The following ZNF366 variants were observed in gnomAD, a reference collection of about 807,000 sequenced individuals.
ZNF366 encodes the protein zinc finger protein 366.
ZNF366 carries 20 observed loss-of-function variants against 47.2 expected under a neutral mutation model. The observed-to-expected ratio is 0.42, with a 90% confidence interval of 0.30 to 0.62. The LOEUF is 0.62. Ranked by LOEUF, ZNF366 falls within the 20% of genes least tolerant of loss-of-function variation. The probability of loss-of-function intolerance (pLI) is 0.16; values close to 1 mark genes in which losing one functional copy is unlikely to be tolerated. For synonymous variants in ZNF366, 421 were observed against 395.1 expected, an observed-to-expected ratio of 1.07 and a Z score of -0.78; for missense variants, 987 against 976.3, an observed-to-expected ratio of 1.01 and a Z score of -0.15.
intron 4 of ZNF366, among the ~76,000 whole-genome samples, chr5:72,446,964 A>G (rs895529963): frequency 6.6e-6 from 1 of 152,202 alleles, no homozygotes; most frequent in East Asian, 1.9e-4. Context: ...GTTGCCATGA[A>G]TATTAGCGAC....
intron 1 of ZNF366, chr5:72,472,527 CA>C: frequency 5.1e-6 from 5 of 985,232 alleles, no homozygotes; most frequent in Non-Finnish European, 6.0e-6. Flanking sequence ...TGGGGACTTG[CA>C]AAATTAGGCT....
intron 4 of ZNF366, among the ~76,000 whole-genome samples, chr5:72,446,852 ACT>A (rs1742971268): frequency 6.6e-6 from 1 of 152,152 alleles, no homozygotes; most frequent in Non-Finnish European, 1.5e-5. Context: ...TCAAATCTTG[ACT>A]CTGCCACTTT....
intron 1 of ZNF366, among the ~76,000 whole-genome samples, chr5:72,463,740 T>C (rs956618440): frequency 6.6e-6 from 1 of 151,924 alleles, no homozygotes; most frequent in Non-Finnish European, 1.5e-5. Context: ...GAAACAGAGG[T>C]TATTTGATGG....
At chr5:72,459,257 G>A in intron 2 of ZNF366, among the ~76,000 whole-genome samples, 1 of 152,182 alleles carries the variant, frequency 6.6e-6, no homozygotes, top group South Asian at 2.1e-4. Context: ...ATTAAAGAAT[G>A]CTTTAGAAAC....
At chr5:72,465,393 A>G (rs778328689) in intron 1 of ZNF366, among the ~76,000 whole-genome samples, 1 of 152,228 alleles carries the variant, frequency 6.6e-6, no homozygotes, top group Non-Finnish European at 1.5e-5. Context: ...AGGGAAAAGC[A>G]GGGGAAGGAT....
intron 2 of ZNF366, among the ~76,000 whole-genome samples, chr5:72,456,814 C>G (rs1002249881): frequency 1.3e-5 from 2 of 152,070 alleles, no homozygotes; most frequent in African/African-American, 2.4e-5. Flanking sequence ...CATAAACTAG[C>G]CAGACTATTA....
At chr5:72,461,605 T>C (rs1743315124) in intron 1 of ZNF366, 95 bp from the exon 2 acceptor site, 1 of 1,440,220 alleles carries the variant, frequency 6.9e-7, no homozygotes, top group Non-Finnish European at 9.3e-7. Flanking sequence ...TACTAATTTA[T>C]GAAGAGTAGT....
intron 1 of ZNF366, among the ~76,000 whole-genome samples, chr5:72,502,294 A>G (rs527972945): frequency 6.6e-6 from 1 of 152,356 alleles, no homozygotes; most frequent in East Asian, 1.9e-4. Flanking sequence ...TCTTTTATGT[A>G]AATACCATTG....
rs374146709 is a variant in ZNF366, at chr5:72,460,782, C to A, written c.715G>T (p.Asp239Tyr). 6.2e-7 allele frequency: 1 copy of A among 1,614,180 alleles called. No homozygotes were observed. Among genetic ancestry groups the A allele is most frequent in the Admixed American group, 1.7e-5 (1 of 60,026 alleles). Residue 239 changes from aspartate (D) to tyrosine (Y), a missense_variant, in exon 2 of 5, where the codon GAT becomes TAT. Around this residue, in one of 3 missense-constraint regions of ZNF366, gnomAD observed 591 missense variants for 560.9 expected, o/e 1.05. Coordinates refer to ENST00000318442, the MANE Select transcript of ZNF366 (RefSeq NM_152625.3). ...VERVDVNVQI[D>Y]DSYYVDVGGS... Reference sequence around the variant, plus strand: ...CCCACGTCCACGTAGTAGCTGTCATCGATCTGCACGTTCACGTCCACCCTC... The same window carrying A: ...CCCACGTCCACGTAGTAGCTGTCATAGATCTGCACGTTCACGTCCACCCTC...
In ZNF366 at chr5:72,442,995, G is replaced by T. The variant is rs1256586933; in HGVS notation, c.*761C>A. The T allele has an allele frequency of 6.6e-6, 1 of 152,300 alleles. No homozygotes were observed. Among genetic ancestry groups the T allele is most frequent in the Non-Finnish European group, 1.5e-5 (1 of 68,096 alleles). The allele number at this position is 152,300 out of a possible 1,614,324, so 9.4% of individuals were successfully genotyped here. ...GTCTTATGGGGCATGAGGCCTCAGA[G>T]CAAGACAGCAATGGTCTCCAGGAGG... On this transcript the variant is annotated 3_prime_UTR_variant, in exon 5 of 5. Coordinates refer to ENST00000318442, the MANE Select transcript of ZNF366 (RefSeq NM_152625.3).
At chr5:72,444,643 C>T (rs1262442608) in intron 4 of ZNF366, among the ~76,000 whole-genome samples, 1 of 151,668 alleles carries the variant, frequency 6.6e-6, no homozygotes, top group African/African-American at 2.4e-5. Flanking sequence ...AATGAAAAAA[C>T]TTTGTATTTA....
At chr5:72,447,731 C>T (rs1742988950) in intron 3 of ZNF366, among the ~76,000 whole-genome samples, 1 of 152,122 alleles carries the variant, frequency 6.6e-6, no homozygotes, top group African/African-American at 2.4e-5. Context: ...TACAAGTGTT[C>T]CTCCTTTAAT....
At chr5:72,505,813 G>C (rs1304261308) in intron 1 of ZNF366, among the ~76,000 whole-genome samples, 2 of 152,234 alleles carry the variant, frequency 1.3e-5, no homozygotes, top group Non-Finnish European at 2.9e-5. Context: ...AAATGGAGTA[G>C]TTAGGGGAGG....
intron 1 of ZNF366, among the ~76,000 whole-genome samples, chr5:72,488,766 T>C (rs1417009091): frequency 6.6e-6 from 1 of 152,168 alleles, no homozygotes; most frequent in Non-Finnish European, 1.5e-5. Context: ...TTGGGTACCA[T>C]GTATGGAACA....
chr5:72,447,901 T>C (rs1477888111), intron 3 of ZNF366, among the ~76,000 whole-genome samples: 1 of 152,184 alleles, frequency 6.6e-6, no homozygotes, highest in Non-Finnish European at 1.5e-5. Context: ...TCTGAGGACT[T>C]ACGTCACTTG....
rs1338193465 is a variant in ZNF366 at position 72,441,026 on chromosome 5, G to T, written c.*2730C>A. 1 of 152,128 alleles carries T rather than the reference G, an allele frequency of 6.6e-6. No individual in the cohort carries two copies. The highest frequency in any genetic ancestry group is 2.4e-5 in the African/African-American group (1 of 41,392). 9.4% of individuals were successfully genotyped at this position (152,128 alleles called of 1,614,324 possible). ...ACTTGAGCTGCTTGGAGTGAGGTGG[G>T]TGTGGGAGTTGAGAGCTTCTCCTCC... is the stretch of plus-strand genomic sequence containing the variant. On this transcript the variant is annotated 3_prime_UTR_variant, in exon 5 of 5. Coordinates refer to ENST00000318442, the MANE Select transcript of ZNF366 (RefSeq NM_152625.3).
At chr5:72,464,448 T>G (rs12054660) in intron 1 of ZNF366, among the ~76,000 whole-genome samples, 11,024 of 152,242 alleles carry the variant, frequency 0.072, 612 homozygotes, top group East Asian at 0.23. Flanking sequence ...CATTAGGAGT[T>G]GTAATATACT....
rs558584853 is a variant in ZNF366 at position 72,507,241 on chromosome 5, G to T, written c.-15+10C>A. On this transcript the variant is annotated intron_variant, in intron 1 of 4. Transcript: ENST00000318442. ...AAAAGGAAGCAGAAATGATTGCATG[G>T]GTAACTTACCAGCTCCTGAGGTCTG... 63 of 985,472 alleles carry T rather than the reference G, an allele frequency of 6.4e-5. No homozygotes were observed. The South Asian group carries it at 9.9e-4, about 15-fold the overall frequency. 61.0% of individuals were successfully genotyped at this position (985,472 alleles called of 1,614,324 possible).
At chr5:72,465,508 C>G (rs1413368124) in intron 1 of ZNF366, among the ~76,000 whole-genome samples, 1 of 152,168 alleles carries the variant, frequency 6.6e-6, no homozygotes, top group Non-Finnish European at 1.5e-5. Flanking sequence ...TGTGTACCAC[C>G]CACATGCTCC....
Sources: allele counts gnomAD v4.1 joint callset (sites outside exome capture counted in the v4.1 genomes callset), GRCh38; gene constraint gnomAD v4.1.1; regional missense constraint gnomAD v4.1.1; transcripts MANE v1.5; gene names NCBI Gene and HGNC (gene_info 2026-07-23, HGNC 2026-07-21).